Variants in TTC28 observed in about 807,000 individuals in gnomAD.
The protein encoded by TTC28 is tetratricopeptide repeat protein 28.
Under a neutral mutation model 198.0 loss-of-function variants are expected in TTC28, and 61 were observed. The ratio of observed to expected loss-of-function variants is 0.31; its 90% CI spans 0.25 to 0.38. The LOEUF is 0.38. Among genes scored for constraint, TTC28 ranks in the 10% least tolerant of loss-of-function variants. The pLI, the probability that TTC28 is intolerant of heterozygous loss-of-function variation, is 1.00. For synonymous variants in TTC28, 1,171 were observed against 1,297.8 expected (o/e 0.90, Z 2.10); for missense variants, 2,678 against 3,164.0 (o/e 0.85, Z 3.69).
At chr22:28,638,991 T>C (rs2146230173) in intron 1 of TTC28, among the ~76,000 whole-genome samples, 1 of 152,300 alleles carries the variant, frequency 6.6e-6, no homozygotes, top group East Asian at 1.9e-4. Context: ...CAGAACAATT[T>C]GGGAACATCT....
In TTC28 at chr22:28,517,407, G is replaced by A. The variant is rs2048810370; in HGVS notation, c.381+112145C>T. On this transcript the variant is annotated intron_variant, in intron 2 of 22. Coordinates refer to ENST00000397906, the MANE Select transcript of TTC28 (RefSeq NM_001145418.2). ...CCAGTCAGCTTTTGCCCAACTATAG[G>A]CTACACAGAGCATCATTAAAGATTT... Among the ~76,000 whole-genome samples, 4 of 152,150 alleles carry A rather than the reference G, an allele frequency of 2.6e-5. No homozygotes were observed. The South Asian group carries it at 8.3e-4, about 32-fold the overall frequency.
chr22:28,562,170 G>A (rs1257766782), intron 2 of TTC28, among the ~76,000 whole-genome samples: 1 of 152,086 alleles, frequency 6.6e-6, no homozygotes, highest in Non-Finnish European at 1.5e-5. Context: ...GAAAAAAATT[G>A]CATGGAAAAC....
chr22:27,979,189 G>A lies in TTC28; in HGVS notation c.*3032C>T, dbSNP rs1435200144. 1 of 152,190 alleles carries A rather than the reference G, an allele frequency of 6.6e-6. No individual in the cohort carries two copies. The highest frequency in any genetic ancestry group is 2.4e-5 in the African/African-American group (1 of 41,444). The allele number at this position is 152,190 out of a possible 1,614,324, so 9.4% of individuals were successfully genotyped here. A position where few individuals can be genotyped will look rare whatever the true frequency, so the allele number is the denominator to read the frequency against. On this transcript the variant is annotated 3_prime_UTR_variant, in exon 23 of 23. Transcript: ENST00000397906. ...CCAGGAGTCAGCAAACTTCTTAAAAGGCCAGGTATTGGCTGGGCGCAGTGG... is the reference window on the plus strand; with the variant it reads ...CCAGGAGTCAGCAAACTTCTTAAAAAGCCAGGTATTGGCTGGGCGCAGTGG...
chr22:28,176,041 T>G (rs763437827), intron 5 of TTC28, among the ~76,000 whole-genome samples: 16 of 152,170 alleles, frequency 1.1e-4, no homozygotes, highest in Non-Finnish European at 1.9e-4. Context: ...ACCATATGAT[T>G]CTGCAATCCT....
At chr22:28,671,665 T>G (rs961966903) in intron 1 of TTC28, among the ~76,000 whole-genome samples, 1 of 148,166 alleles carries the variant, frequency 6.7e-6, no homozygotes, top group African/African-American at 2.5e-5. Flanking sequence ...TTTCTTCCAT[T>G]ATGTGGATTT....
At chr22:28,375,351 T>C (rs1329482302) in intron 2 of TTC28, among the ~76,000 whole-genome samples, 1 of 152,162 alleles carries the variant, frequency 6.6e-6, no homozygotes, top group East Asian at 1.9e-4. Context: ...GGCATCTCAT[T>C]TGTAAAACTG....
chr22:28,546,239 C>T (rs6005809), intron 2 of TTC28, among the ~76,000 whole-genome samples: 129,746 of 152,142 alleles, frequency 0.85, 55,553 homozygotes, highest in Middle Eastern at 0.94. Context: ...GCCTATAATC[C>T]CAGCACTTGG....
chr22:28,444,491 T>C (rs2047673427), intron 2 of TTC28, among the ~76,000 whole-genome samples: 1 of 152,202 alleles, frequency 6.6e-6, no homozygotes, highest in South Asian at 2.1e-4. Context: ...GAGGGCATTA[T>C]CTTTATAATA....
At chr22:28,119,473 G>A (rs956729354) in intron 6 of TTC28, among the ~76,000 whole-genome samples, 2 of 152,174 alleles carry the variant, frequency 1.3e-5, no homozygotes, top group African/African-American at 4.8e-5. Flanking sequence ...GCAAAACTGT[G>A]GGCTCTGAGA....
At chr22:27,999,947 C>T (rs1000170076) in intron 15 of TTC28, 1 of 152,158 alleles carries the variant, frequency 6.6e-6, no homozygotes, top group African/African-American at 2.4e-5. Flanking sequence ...GCCTTAAACT[C>T]TGGGTAAGAG....
chr22:28,544,217 C>CA (rs1424851255), intron 2 of TTC28, among the ~76,000 whole-genome samples: 2 of 151,936 alleles, frequency 1.3e-5, no homozygotes, highest in East Asian at 1.9e-4. Context: ...GACTCCGTCT[C>CA]AAAAAAACAA....
intron 2 of TTC28, among the ~76,000 whole-genome samples, chr22:28,508,612 A>G (rs2048644525): frequency 6.6e-6 from 1 of 152,150 alleles, no homozygotes; most frequent in African/African-American, 2.4e-5. Flanking sequence ...ACCAACAATG[A>G]TCAAAAAAAA....
chr22:28,222,514 C>A (rs1927964918), intron 5 of TTC28, among the ~76,000 whole-genome samples: 1 of 152,212 alleles, frequency 6.6e-6, no homozygotes, highest in Non-Finnish European at 1.5e-5. Flanking sequence ...TGGCTTCCTT[C>A]TGCCCTTGCA....
At chr22:28,450,378 C>G (rs1204300716) in intron 2 of TTC28, among the ~76,000 whole-genome samples, 3 of 152,126 alleles carry the variant, frequency 2.0e-5, no homozygotes, top group Non-Finnish European at 2.9e-5. Flanking sequence ...GCCAATAATG[C>G]CTGGTTCAAA....
chr22:28,479,672 T>G (rs554744262), intron 2 of TTC28, among the ~76,000 whole-genome samples: 2 of 152,294 alleles, frequency 1.3e-5, no homozygotes, highest in Admixed American at 1.3e-4. Context: ...AATCAGAATC[T>G]CAAAGCTTAC....
At chr22:28,334,986 A>C (rs1296732334) in intron 2 of TTC28, among the ~76,000 whole-genome samples, 2 of 152,106 alleles carry the variant, frequency 1.3e-5, no homozygotes, top group Non-Finnish European at 2.9e-5. Flanking sequence ...TTATGGTTTT[A>C]GGTCTAATAT....
intron 2 of TTC28, among the ~76,000 whole-genome samples, chr22:28,338,909 C>G (rs2045779309): frequency 6.6e-6 from 1 of 152,130 alleles, no homozygotes; most frequent in African/African-American, 2.4e-5. Context: ...TTGTTCCGTT[C>G]CTGGTAAGGA....
intron 2 of TTC28, among the ~76,000 whole-genome samples, chr22:28,384,939 T>A (rs1355627160): frequency 6.6e-6 from 1 of 151,884 alleles, no homozygotes; most frequent in Non-Finnish European, 1.5e-5. Flanking sequence ...GGTCAGGAGT[T>A]TGAGACCAAC....
At chr22:28,224,522 T>C (rs548774634) in intron 5 of TTC28, among the ~76,000 whole-genome samples, 3 of 152,242 alleles carry the variant, frequency 2.0e-5, no homozygotes, top group Admixed American at 6.5e-5. Flanking sequence ...ATTTATCATG[T>C]CTCAGGAACT....
Sources: gnomAD v4.1 joint callset for allele counts (sites outside exome capture counted in the v4.1 genomes callset) on GRCh38, gnomAD v4.1.1 for gene constraint, MANE v1.5 for transcripts, NCBI Gene and HGNC (gene_info 2026-07-23, HGNC 2026-07-21) for gene names.